The following FAM47B variants were observed in gnomAD, a reference collection of about 807,000 sequenced individuals.
FAM47B encodes family with sequence similarity 47 member B.
For missense variants in FAM47B, 581 were observed against 550.1 expected, an observed-to-expected ratio of 1.06 and a Z score of -0.56; for synonymous variants, 247 against 215.8, an observed-to-expected ratio of 1.14 and a Z score of -1.27.
rs1218309541 is a variant in FAM47B, at chrX:34,943,573, C to T, written c.742C>T (p.Arg248Cys). The T allele has an allele frequency of 5.8e-6, 7 of 1,206,298 alleles. No individual in the cohort carries two copies. Among genetic ancestry groups the T allele is most frequent in the African/African-American group, 5.4e-5 (3 of 55,883 alleles). ...EPPETRASHLRVDPPETGVSH... is the reference protein window; with the variant it reads ...EPPETRASHLCVDPPETGVSH... ...TCCAGAGACTCGCGCATCTCATCTC[C>T]GCGTGGATCCTCCCGAGACTGGAGT... is the stretch of plus-strand genomic sequence containing the variant. Residue 248 changes from arginine to cysteine, a missense_variant, in exon 1 of 1, where the codon CGC (arginine) becomes TGC (cysteine). By Grantham distance (180) the Arg-to-Cys change is radical. Transcript: ENST00000329357.
Position 34,944,312 on chromosome X carries a change from A to G in FAM47B, c.1481A>G (p.Gln494Arg), listed in dbSNP as rs1277972572. ...ACCCCTGAGTGCAGAACAACCGATCAAGACCAAAAGATTAAGAAGGCAAAC... is the reference window on the plus strand; with the variant it reads ...ACCCCTGAGTGCAGAACAACCGATCGAGACCAAAAGATTAAGAAGGCAAAC... Reference protein sequence around the residue: ...DFTPECRTTDQDQKIKKANEC... With the variant: ...DFTPECRTTDRDQKIKKANEC... The change falls in exon 1 of 1, where the codon CAA (glutamine) becomes CGA (arginine). Residue 494 changes from glutamine (Q) to arginine (R), a missense_variant. Physicochemically the swap from Gln to Arg is conservative, Grantham distance 43. Coordinates refer to ENST00000329357, the MANE Select transcript of FAM47B (RefSeq NM_152631.3). 7 of 1,210,154 alleles carry G rather than the reference A, an allele frequency of 5.8e-6. No individual in the cohort carries two copies. The highest frequency in any genetic ancestry group is 2.3e-4 in the Middle Eastern group (1 of 4,375).
Position 34,943,216 on chromosome X carries a change from C to T in FAM47B, c.385C>T (p.His129Tyr). 1 of 1,210,887 alleles carries T rather than the reference C, an allele frequency of 8.3e-7. No homozygotes were observed. The change falls in exon 1 of 1, where the codon CAT becomes TAT. Residue 129 changes from histidine (H) to tyrosine (Y), a missense_variant. His to Tyr is a moderately conservative substitution (Grantham distance 83). Transcript: ENST00000329357. ...AGTGGAAGCCCAGCTGATGACCAAG[C>T]ATCCCTTGGCCATGTACCCCAATCT... ...EEVEAQLMTK[H>Y]PLAMYPNLGK...
Position 34,944,504 on chromosome X carries a change from G to A in FAM47B, c.1673G>A (p.Gly558Glu). The change falls in exon 1 of 1, where the codon GGG becomes GAG. Residue 558 changes from glycine (G) to glutamate (E), a missense_variant. Coordinates refer to ENST00000329357, the MANE Select transcript of FAM47B (RefSeq NM_152631.3). ...CCATGGTACTTCGAGCCTAAGTTGG[G>A]GAAAAAGCTAAGAAGTGATGAACCT... Reference protein sequence around the residue: ...YGPWYFEPKLGKKLRSDEPLI... With the variant: ...YGPWYFEPKLEKKLRSDEPLI... The A allele has an allele frequency of 8.3e-7, 1 of 1,211,731 alleles. No homozygotes were observed. Among genetic ancestry groups the A allele is most frequent in the Non-Finnish European group, 1.1e-6 (1 of 895,532 alleles).
chrX:34,944,583 C>T lies in FAM47B; in HGVS notation c.1752C>T (p.Asp584=). The change falls in exon 1 of 1, where the codon GAC becomes GAT. Residue 584 remains aspartate, a synonymous_variant. Coordinates refer to ENST00000329357, the MANE Select transcript of FAM47B (RefSeq NM_152631.3). ...LEKPDEPDIL[D]GLYGPIAFKD... ...AGCCTGATGAACCCGACATTCTTGA[C>T]GGTCTTTATGGACCAATTGCCTTTA... 3 of 1,209,267 alleles carry T rather than the reference C, an allele frequency of 2.5e-6. No homozygotes were observed. The highest frequency in any genetic ancestry group is 3.4e-6 in the Non-Finnish European group (3 of 894,124).
Position 34,943,166 on chromosome X carries a change from C to G in FAM47B, c.335C>G (p.Pro112Arg), listed in dbSNP as rs1393924891. The change falls in exon 1 of 1, where the codon CCA becomes CGA. Residue 112 changes from proline to arginine, a missense_variant. Pro to Arg is a moderately radical substitution (Grantham distance 103). Coordinates refer to ENST00000329357, the MANE Select transcript of FAM47B (RefSeq NM_152631.3). The stretch of plus-strand genomic sequence containing the variant: ...TTTTCCGAGCTCTCGCCAGTACAGC[C>G]AGCACGGAAGGCGTTCGTAGAGGAA... ...ALFSELSPVQ[P>R]ARKAFVEEVE... 11 of 1,211,798 alleles carry G rather than the reference C, an allele frequency of 9.1e-6. No individual in the cohort carries two copies. The highest frequency in any genetic ancestry group is 1.2e-5 in the Non-Finnish European group (11 of 895,539).
Position 34,943,488 on chromosome X carries a change from G to A in FAM47B, c.657G>A (p.Arg219=), listed in dbSNP as rs775267744. The stretch of plus-strand genomic sequence containing the variant: ...GCCGCCCAGAGCCTCCCAAGACTCG[G>A]GTGTCCAGTCTCCGCCCAGAGCCTC... ...SSRRPEPPKT[R]VSSLRPEPPK... The change falls in exon 1 of 1, where the codon CGG becomes CGA. Residue 219 remains arginine, a synonymous_variant. Transcript: ENST00000329357. 1.1e-5 allele frequency: 13 copies of A among 1,207,652 alleles called. No individual in the cohort carries two copies. Among genetic ancestry groups the A allele is most frequent in the African/African-American group, 1.8e-5 (1 of 56,409 alleles).
At position 34,943,948 on chromosome X, in the gene FAM47B, G is replaced by A; in HGVS notation, c.1117G>A (p.Glu373Lys). The change falls in exon 1 of 1, where the codon GAA (glutamate) becomes AAA (lysine). Residue 373 changes from glutamate (E) to lysine (K), a missense_variant. Glu to Lys is a moderately conservative substitution (Grantham distance 56, BLOSUM62 1). Transcript: ENST00000329357. ...RCEGQEMTTE[E>K]LTKPGKYHFW... ...TGAGGGCCAGGAGATGACAACCGAG[G>A]AACTCACCAAGCCTGGTAAATACCA... The A allele has an allele frequency of 8.3e-7, 1 of 1,211,122 alleles. No homozygotes were observed. Among genetic ancestry groups the A allele is most frequent in the Non-Finnish European group, 1.1e-6 (1 of 895,418 alleles).
In FAM47B at chrX:34,943,467, C is replaced by T. The variant is rs745455225; in HGVS notation, c.636C>T (p.Arg212=). The change falls in exon 1 of 1, where the codon CGC becomes CGT. Residue 212 remains arginine, a synonymous_variant. Transcript: ENST00000329357. ...QLPKTPVSSR[R]PEPPKTRVSS... ...CCAAGACTCCGGTGTCCAGTCGCCG[C>T]CCAGAGCCTCCCAAGACTCGGGTGT... 5 of 1,208,233 alleles carry T rather than the reference C, an allele frequency of 4.1e-6. No homozygotes were observed. The South Asian group carries it at 8.8e-5, about 21-fold the overall frequency.
At position 34,943,099 on chromosome X, in the gene FAM47B, C is replaced by G; in HGVS notation, c.268C>G (p.Arg90Gly). ...ATCTCTCAGAGGTCCCCAAGCTGAC[C>G]GCAAAAGCAGGAAGAAAAAGCTGCT... ...KISLRGPQAD[R>G]KSRKKKLLKK... Residue 90 changes from arginine to glycine, a missense_variant, in exon 1 of 1, where the codon CGC becomes GGC. Coordinates refer to ENST00000329357, the MANE Select transcript of FAM47B (RefSeq NM_152631.3). 8.3e-7 allele frequency: 1 copy of G among 1,211,730 alleles called. No homozygotes were observed. The highest frequency in any genetic ancestry group is 1.1e-6 in the Non-Finnish European group (1 of 895,539).
rs1438467122 is a variant in FAM47B, at chrX:34,943,661, A to G, written c.830A>G (p.Asp277Gly). The G allele has an allele frequency of 8.3e-7, 1 of 1,208,632 alleles. No homozygotes were observed. The highest frequency in any genetic ancestry group is 1.8e-5 in the African/African-American group (1 of 56,685). The part of the protein sequence containing the change: ...LVSSVHPEPP[D>G]TGASHLCPEP... ...TCCAGTGTCCACCCAGAGCCTCCTG[A>G]TACTGGAGCGTCCCATCTCTGCCCG... The change falls in exon 1 of 1, where the codon GAT (aspartate) becomes GGT (glycine). Residue 277 changes from aspartate (D) to glycine (G), a missense_variant. Coordinates refer to ENST00000329357, the MANE Select transcript of FAM47B (RefSeq NM_152631.3).
In FAM47B at chrX:34,944,359, T is replaced by G; in HGVS notation, c.1528T>G (p.Tyr510Asp). The change falls in exon 1 of 1, where the codon TAC becomes GAC. Residue 510 changes from tyrosine (Y) to aspartate (D), a missense_variant. Tyr to Asp is a radical substitution (Grantham distance 160). Coordinates refer to ENST00000329357, the MANE Select transcript of FAM47B (RefSeq NM_152631.3). Reference sequence around the variant, plus strand: ...AAACGAGTGTGCTTCAAGGCTGATGTACGGCATGGAGCTAGACGACATGGA... The same window carrying G: ...AAACGAGTGTGCTTCAAGGCTGATGGACGGCATGGAGCTAGACGACATGGA... Reference protein sequence around the residue: ...KANECASRLMYGMELDDMDEV... With the variant: ...KANECASRLMDGMELDDMDEV... The G allele has an allele frequency of 8.3e-7, 1 of 1,211,861 alleles. No homozygotes were observed. Among genetic ancestry groups the G allele is most frequent in the Non-Finnish European group, 1.1e-6 (1 of 895,589 alleles).
At position 34,943,430 on chromosome X, in the gene FAM47B, G is replaced by T; in HGVS notation, c.599G>T (p.Arg200Leu). 1 of 1,209,468 alleles carries T rather than the reference G, an allele frequency of 8.3e-7. No homozygotes were observed. Among genetic ancestry groups the T allele is most frequent in the South Asian group, 1.8e-5 (1 of 56,818 alleles). Residue 200 changes from arginine to leucine, a missense_variant, in exon 1 of 1, where the codon CGT becomes CTT. Transcript: ENST00000329357. Reference sequence around the variant, plus strand: ...CCCGAGACTCCGGTGTCCCGTCTCCGTCCTCAGCTTCCCAAGACTCCGGTG... The same window carrying T: ...CCCGAGACTCCGGTGTCCCGTCTCCTTCCTCAGCTTCCCAAGACTCCGGTG... ...RPPETPVSRLRPQLPKTPVSS... is the reference protein window; with the variant it reads ...RPPETPVSRLLPQLPKTPVSS...
In FAM47B at chrX:34,942,937, A is replaced by G. The variant is rs1358843635; in HGVS notation, c.106A>G (p.Arg36Gly). 1 of 1,210,708 alleles carries G rather than the reference A, an allele frequency of 8.3e-7. No individual in the cohort carries two copies. The highest frequency in any genetic ancestry group is 1.1e-6 in the Non-Finnish European group (1 of 895,274). ...CAAGTACTTCGCGAAGCGCAAGCAC[A>G]GGCGCCTGAGGTTCCCGCCTGTGGA... ...PSKYFAKRKH[R>G]RLRFPPVDTQ... The change falls in exon 1 of 1, where the codon AGG becomes GGG. Residue 36 changes from arginine (R) to glycine (G), a missense_variant. Arg to Gly is a moderately radical substitution (Grantham distance 125). Coordinates refer to ENST00000329357, the MANE Select transcript of FAM47B (RefSeq NM_152631.3).
Position 34,942,867 on chromosome X carries a change from C to T in FAM47B, c.36C>T (p.Ser12=), listed in dbSNP as rs781710998. The T allele has an allele frequency of 6.1e-5, 74 of 1,208,491 alleles. 1 individual carries two copies. In the South Asian group the frequency reaches 1.2e-3, roughly 20 times the overall value. ...GGAGGCCACAGGACCGGCCAAGGTCCCAAGGCATGGACTCCAAGCCCTGGT... is the reference window on the plus strand; with the variant it reads ...GGAGGCCACAGGACCGGCCAAGGTCTCAAGGCATGGACTCCAAGCCCTGGT... ...GDRRPQDRPR[S]QGMDSKPWYC... The change falls in exon 1 of 1, where the codon TCC becomes TCT. Residue 12 remains serine (S), a synonymous_variant. Transcript: ENST00000329357.
rs1424469178 is a variant in FAM47B at position 34,943,833 on chromosome X, A to T, written c.1002A>T (p.Glu334Asp). Residue 334 changes from glutamate to aspartate, a missense_variant, in exon 1 of 1, where the codon GAA becomes GAT. Glu to Asp is a conservative substitution (Grantham distance 45, BLOSUM62 2). Coordinates refer to ENST00000329357, the MANE Select transcript of FAM47B (RefSeq NM_152631.3). ...PEAGVSHLCL[E>D]PPNTHRVSSF... ...CTGGAGTGTCCCATCTCTGCCTGGAACCTCCCAACACTCATCGGGTGTCCA... is the reference window on the plus strand; with the variant it reads ...CTGGAGTGTCCCATCTCTGCCTGGATCCTCCCAACACTCATCGGGTGTCCA... 8.3e-7 allele frequency: 1 copy of T among 1,200,849 alleles called. No individual in the cohort carries two copies. The highest frequency in any genetic ancestry group is 1.1e-6 in the Non-Finnish European group (1 of 892,687).
In FAM47B at chrX:34,943,576, G is replaced by A. The variant is rs771339426; in HGVS notation, c.745G>A (p.Val249Met). The A allele has an allele frequency of 2.5e-6, 3 of 1,200,434 alleles. No homozygotes were observed. The highest frequency in any genetic ancestry group is 1.9e-5 in the African/African-American group (1 of 53,515). The change falls in exon 1 of 1, where the codon GTG becomes ATG. Residue 249 changes from valine (V) to methionine (M), a missense_variant. Coordinates refer to ENST00000329357, the MANE Select transcript of FAM47B (RefSeq NM_152631.3). ...PPETRASHLR[V>M]DPPETGVSHL... ...AGAGACTCGCGCATCTCATCTCCGC[G>A]TGGATCCTCCCGAGACTGGAGTGTC...
Position 34,943,618 on chromosome X carries a change from C to A in FAM47B, c.787C>A (p.Pro263Thr), listed in dbSNP as rs1435217340. 1 of 1,207,297 alleles carries A rather than the reference C, an allele frequency of 8.3e-7. No homozygotes were observed. Among genetic ancestry groups the A allele is most frequent in the African/African-American group, 1.8e-5 (1 of 56,274 alleles). The change falls in exon 1 of 1, where the codon CCT becomes ACT. Residue 263 changes from proline to threonine, a missense_variant. Transcript: ENST00000329357. ...ETGVSHLCPEPPKTLVSSVHP... is the reference protein window; with the variant it reads ...ETGVSHLCPETPKTLVSSVHP... ...TGGAGTGTCCCATCTCTGCCCAGAG[C>A]CTCCCAAGACTCTGGTGTCCAGTGT...
At position 34,944,667 on chromosome X, in the gene FAM47B, C is replaced by A; in HGVS notation, c.1836C>A (p.Ala612=). Residue 612 remains alanine (A), a synonymous_variant, in exon 1 of 1, where the codon GCC becomes GCA. Coordinates refer to ENST00000329357, the MANE Select transcript of FAM47B (RefSeq NM_152631.3). ...CTGGCGTCATTGAAAAGCTGTTTGC[C>A]AAGAAGGGATGGACTTACGACTCTG... ...RMPGVIEKLF[A]KKGWTYDSVK... is the part of the protein sequence containing the mutation. 8.3e-7 allele frequency: 1 copy of A among 1,211,443 alleles called. No individual in the cohort carries two copies. The highest frequency in any genetic ancestry group is 1.1e-6 in the Non-Finnish European group (1 of 895,368).
rs984088585 is a variant in FAM47B, at chrX:34,944,858, A to G, written c.*89A>G. The G allele has an allele frequency of 1.3e-4, 136 of 1,028,168 alleles. No individual in the cohort carries two copies. Among genetic ancestry groups the G allele is most frequent in the Non-Finnish European group, 1.4e-4 (112 of 773,036 alleles). The allele number at this position is 1,028,168 out of a possible 1,213,427, so 84.7% of individuals were successfully genotyped here. On this transcript the variant is annotated 3_prime_UTR_variant, in exon 1 of 1. Coordinates refer to ENST00000329357, the MANE Select transcript of FAM47B (RefSeq NM_152631.3). The stretch of plus-strand genomic sequence containing the variant: ...TTATGATGACTGGCCCCGTGAATGT[A>G]CAACTTTGGCAACATCTGTAAATTC...
Sources: gnomAD v4.1 joint callset for allele counts on GRCh38, gnomAD v4.1.1 for gene constraint, MANE v1.5 for transcripts, NCBI Gene and HGNC (gene_info 2026-07-23, HGNC 2026-07-21) for gene names.